Variants in ZNF536 observed in about 807,000 individuals in gnomAD.
The protein encoded by ZNF536 is zinc finger protein 536.
In ZNF536, 13 loss-of-function variants were observed where a neutral mutation model predicts 84.5. The observed-to-expected ratio is 0.15, with a 90% CI of 0.10 to 0.24. The LOEUF (loss-of-function observed/expected upper bound fraction) is 0.24. Among genes scored for constraint, ZNF536 ranks in the 10% least tolerant of loss-of-function variants. The pLI is 1.00. For missense variants in ZNF536, 1,536 were observed against 1,747.5 expected (o/e 0.88, Z 2.16); for synonymous variants, 811 against 742.5 (o/e 1.09, Z -1.50).
chr19:30,488,386 T>C (rs1346914902), intron 2 of ZNF536, among the ~76,000 whole-genome samples: 1 of 152,170 alleles, frequency 6.6e-6, no homozygotes, highest in East Asian at 1.9e-4. Context: ...ACCCTGCTAC[T>C]TTGTGAGGAC....
chr19:30,626,070 G>T (rs2048665354), intron 1 of ZNF536, among the ~76,000 whole-genome samples: 1 of 152,210 alleles, frequency 6.6e-6, no homozygotes, highest in Non-Finnish European at 1.5e-5. Flanking sequence ...CAGGGCATTT[G>T]GTTCCAAAAA....
chr19:30,691,984 G>C (rs1276510381), intron 1 of ZNF536, among the ~76,000 whole-genome samples: 2 of 152,194 alleles, frequency 1.3e-5, no homozygotes, highest in Non-Finnish European at 2.9e-5. Flanking sequence ...CAGAGACCGG[G>C]GGTCTTTGTC....
In ZNF536 at chr19:30,549,108, C is replaced by A. The variant is rs1292225742; in HGVS notation, c.3489C>A (p.Asp1163Glu). Residue 1163 changes from aspartate (D) to glutamate (E), a missense_variant, in exon 4 of 5, where the codon GAC becomes GAA. Asp to Glu is a conservative substitution (Grantham distance 45). This residue lies in a region of ZNF536 where 624 missense variants were observed against 603.1 expected (regional missense o/e 1.03). Coordinates refer to ENST00000355537, the MANE Select transcript of ZNF536 (RefSeq NM_014717.3). The stretch of plus-strand genomic sequence containing the variant: ...AGAACACTACTGATGACCTCTCTGA[C>A]ATTGCCTCCTCAGAGGACATGGACT... ...TSKNTTDDLSDIASSEDMDSS... is the reference protein window; with the variant it reads ...TSKNTTDDLSEIASSEDMDSS... 1 of 1,614,118 alleles carries A rather than the reference C, an allele frequency of 6.2e-7. No homozygotes were observed. The highest frequency in any genetic ancestry group is 1.1e-5 in the South Asian group (1 of 91,084).
intron 2 of ZNF536, among the ~76,000 whole-genome samples, chr19:30,329,990 T>A (rs2047157590): frequency 6.6e-6 from 1 of 152,332 alleles, no homozygotes; most frequent in Non-Finnish European, 1.5e-5. Flanking sequence ...TAATTTATAA[T>A]CTTATGATTT....
At chr19:30,403,559 A>C (rs1438661618) in intron 1 of ZNF536, among the ~76,000 whole-genome samples, 1 of 152,086 alleles carries the variant, frequency 6.6e-6, no homozygotes, top group Non-Finnish European at 1.5e-5. Flanking sequence ...CTGAAATCCA[A>C]CTCTTTGGCT....
At chr19:30,314,061 C>A (rs1194985888) in intron 2 of ZNF536, among the ~76,000 whole-genome samples, 1 of 152,208 alleles carries the variant, frequency 6.6e-6, no homozygotes, top group African/African-American at 2.4e-5. Context: ...TTTGAGGTGG[C>A]CCTGCATGGC....
chr19:30,632,996 G>A (rs943070288), intron 1 of ZNF536, among the ~76,000 whole-genome samples: 9 of 152,208 alleles, frequency 5.9e-5, no homozygotes, highest in African/African-American at 1.7e-4. Flanking sequence ...ATGCCTGCTT[G>A]TGAGAGTTCT....
intron 2 of ZNF536, among the ~76,000 whole-genome samples, chr19:30,307,454 A>G (rs895092028): frequency 6.6e-6 from 1 of 150,502 alleles, no homozygotes; most frequent in Non-Finnish European, 1.5e-5. Flanking sequence ...TAATTTTTCT[A>G]GCTTTTCATT....
At chr19:30,559,544 T>A (rs78946487), downstream of ZNF536, among the ~76,000 whole-genome samples, 31 of 152,318 alleles carry the variant, frequency 2.0e-4, 1 homozygote, top group East Asian at 6.0e-3. Context: ...CTGAGCACAC[T>A]GTTCCTGGCG....
chr19:30,703,142 A>C (rs1854659656), intron 1 of ZNF536, among the ~76,000 whole-genome samples: 2 of 152,226 alleles, frequency 1.3e-5, no homozygotes. Context: ...AAGTAGGGGC[A>C]GGCAGAGTCC....
chr19:30,699,894 A>G (rs1190409087), intron 1 of ZNF536, among the ~76,000 whole-genome samples: 1 of 152,194 alleles, frequency 6.6e-6, no homozygotes, highest in Non-Finnish European at 1.5e-5. Context: ...AACCTGTTGT[A>G]CCACCATACC....
At chr19:30,302,820 T>C (rs562063026) in intron 2 of ZNF536, among the ~76,000 whole-genome samples, 2 of 152,102 alleles carry the variant, frequency 1.3e-5, no homozygotes, top group African/African-American at 4.8e-5. Flanking sequence ...GCAATCAGTA[T>C]GTCCTGAATG....
intron 1 of ZNF536, among the ~76,000 whole-genome samples, chr19:30,608,327 A>C (rs1437759487): frequency 6.6e-6 from 1 of 152,174 alleles, no homozygotes; most frequent in Non-Finnish European, 1.5e-5. Flanking sequence ...GTATTTACCT[A>C]GGGTCATTTT....
rs1194604006 is a variant in ZNF536, at chr19:30,547,985, C to T, written c.2366C>T (p.Thr789Met). 1.9e-6 allele frequency: 3 copies of T among 1,596,028 alleles called. No individual in the cohort carries two copies. Among genetic ancestry groups the T allele is most frequent in the Middle Eastern group, 1.7e-4 (1 of 5,944 alleles). Residue 789 changes from threonine (T) to methionine (M), a missense_variant, in exon 4 of 5, where the codon ACG (threonine) becomes ATG (methionine). Physicochemically the swap from Thr to Met is moderately conservative, Grantham distance 81. Around this residue, in one of 8 missense-constraint regions of ZNF536, gnomAD observed 148 missense variants for 205.4 expected, o/e 0.72. Transcript: ENST00000355537. ...TGTCCGCACTGTGACTATGCCGGCA[C>T]GCAGTCAGCATCCTTAAAATACCAC... ...YKCPHCDYAG[T>M]QSASLKYHLE...
intron 1 of ZNF536, among the ~76,000 whole-genome samples, chr19:30,613,722 C>T (rs2048183053): frequency 6.6e-6 from 1 of 152,174 alleles, no homozygotes; most frequent in South Asian, 2.1e-4. Context: ...TCTCTTACTC[C>T]AAACTCAGCC....
intron 2 of ZNF536, among the ~76,000 whole-genome samples, chr19:30,523,961 C>T (rs940803059): frequency 2.6e-5 from 4 of 152,210 alleles, no homozygotes; most frequent in African/African-American, 9.6e-5. Context: ...GGGCAAAATC[C>T]GATTGTGAAG....
intron 1 of ZNF536, among the ~76,000 whole-genome samples, chr19:30,431,562 C>T (rs771937372): frequency 2.6e-5 from 4 of 152,202 alleles, no homozygotes; most frequent in Admixed American, 6.5e-5. Flanking sequence ...ATCACTCTTG[C>T]GTATGTGCAT....
At chr19:30,611,676 C>T (rs765566469) in intron 1 of ZNF536, among the ~76,000 whole-genome samples, 1 of 152,184 alleles carries the variant, frequency 6.6e-6, no homozygotes, top group Non-Finnish European at 1.5e-5. Context: ...CGTACTATTT[C>T]TGCATAAATT....
At chr19:30,462,111 G>A (rs1384140692) in intron 2 of ZNF536, among the ~76,000 whole-genome samples, 3 of 152,168 alleles carry the variant, frequency 2.0e-5, no homozygotes, top group Non-Finnish European at 2.9e-5. Context: ...TGTTGTTGTG[G>A]GCACAGAGGG....
Sources: gnomAD v4.1 joint callset for allele counts (sites outside exome capture counted in the v4.1 genomes callset) on GRCh38, gnomAD v4.1.1 for gene constraint, gnomAD v4.1.1 regional missense constraint, MANE v1.5 for transcripts, NCBI Gene and HGNC (gene_info 2026-07-23, HGNC 2026-07-21) for gene names.